The following GRID1 variants were observed in gnomAD, a reference collection of about 807,000 sequenced individuals.
GRID1 encodes glutamate ionotropic receptor delta type subunit 1, also known as glutamate receptor ionotropic, delta-1.
A neutral mutation model predicts 98.0 loss-of-function variants in GRID1; 28 were observed. The ratio of observed to expected loss-of-function variants is 0.29; its 90% CI spans 0.21 to 0.39. GRID1 has a LOEUF of 0.39. Among genes scored for constraint, GRID1 ranks in the 10% least tolerant of loss-of-function variants. The pLI is 1.00. For missense variants in GRID1, 1,111 were observed against 1,340.5 expected, an observed-to-expected ratio of 0.83 and a Z score of 2.67; for synonymous variants, 553 against 538.5, an observed-to-expected ratio of 1.03 and a Z score of -0.37.
At chr10:86,175,492 C>T (rs760675062) in intron 3 of GRID1, among the ~76,000 whole-genome samples, 18 of 152,084 alleles carry the variant, frequency 1.2e-4, no homozygotes, top group Non-Finnish European at 2.4e-4. Context: ...ACCTAGCCAG[C>T]TGGCTCCACT....
rs145315312 is a variant in GRID1 at position 85,769,362 on chromosome 10, G to A, written c.1234-39748C>T. On this transcript the variant is annotated intron_variant, in intron 8 of 15. Transcript: ENST00000327946. ...AGCTGGAGCCAAGATGGCTGAATAG[G>A]AACAGCTCCGGTCTACAGCTCCCAG... Among the ~76,000 whole-genome samples the A allele has an allele frequency of 3.1e-3, 476 of 152,300 alleles. 1 individual carries two copies. Among genetic ancestry groups the A allele is most frequent in the Middle Eastern group, 6.8e-3 (2 of 294 alleles).
chr10:86,351,468 C>T (rs1424863324), intron 2 of GRID1, among the ~76,000 whole-genome samples: 1 of 152,198 alleles, frequency 6.6e-6, no homozygotes, highest in African/African-American at 2.4e-5. Flanking sequence ...CACAGGCCCC[C>T]CTACAAGGTG....
chr10:86,225,870 T>C (rs1167220511), intron 2 of GRID1, among the ~76,000 whole-genome samples: 1 of 152,174 alleles, frequency 6.6e-6, no homozygotes, highest in African/African-American at 2.4e-5. Context: ...TGCATGTTAT[T>C]ACAGCAACCA....
At chr10:86,029,820 G>T (rs1425742977) in intron 4 of GRID1, among the ~76,000 whole-genome samples, 1 of 152,080 alleles carries the variant, frequency 6.6e-6, no homozygotes. Flanking sequence ...AGTGAGTAGG[G>T]TGTCCATAAC....
intron 3 of GRID1, among the ~76,000 whole-genome samples, chr10:86,161,746 T>C (rs1294846491): frequency 6.6e-6 from 1 of 152,170 alleles, no homozygotes; most frequent in Non-Finnish European, 1.5e-5. Context: ...CTGGCTGACT[T>C]GCCTGAGCCA....
At position 85,883,492 on chromosome 10, in the gene GRID1, G is replaced by GTC. The variant is rs1208463812; in HGVS notation, c.781-14314_781-14313dup. Among the ~76,000 whole-genome samples, 211 of 133,388 alleles carry GTC rather than the reference G, an allele frequency of 1.6e-3. 1 individual carries two copies. In the East Asian group the frequency reaches 0.031, roughly 20 times the overall value. 87.5% of individuals were successfully genotyped at this position (133,388 alleles called of 152,430 possible). ...CGTTTTCCTTTGTCCTTCTCTCTCT[G>GTC]TCTCTCTCTCTCTCTCTGTCTCTCT... On this transcript the variant is annotated intron_variant, in intron 5 of 15. Transcript: ENST00000327946.
intron 8 of GRID1, among the ~76,000 whole-genome samples, chr10:85,794,901 C>G (rs1461218524): frequency 6.6e-6 from 1 of 152,186 alleles, no homozygotes; most frequent in South Asian, 2.1e-4. Context: ...ACAGCAAATT[C>G]AAGGTGGATT....
chr10:86,311,733 C>T lies in GRID1; in HGVS notation c.235+52208G>A, dbSNP rs912841831. ...CTGGCAGTTTAGGCATGGTGGCTCACGCCTGTAATTCCAGCACTTTGGGAG... is the reference window on the plus strand; with the variant it reads ...CTGGCAGTTTAGGCATGGTGGCTCATGCCTGTAATTCCAGCACTTTGGGAG... On this transcript the variant is annotated intron_variant, in intron 2 of 15. Transcript: ENST00000327946. Among the ~76,000 whole-genome samples, 7 of 152,214 alleles carry T rather than the reference C, an allele frequency of 4.6e-5. No individual in the cohort carries two copies. In the East Asian group the frequency reaches 5.8e-4, roughly 13 times the overall value.
At chr10:86,228,499 A>T (rs1846394050) in intron 2 of GRID1, among the ~76,000 whole-genome samples, 1 of 152,102 alleles carries the variant, frequency 6.6e-6, no homozygotes, top group Admixed American at 6.5e-5. Context: ...CCTTCCAGCA[A>T]TCAGCCTCAA....
chr10:86,134,258 C>A (rs567587931), intron 4 of GRID1, among the ~76,000 whole-genome samples: 1 of 152,324 alleles, frequency 6.6e-6, no homozygotes, highest in South Asian at 2.1e-4. Context: ...AATTCCATGC[C>A]CCTCAGCATT....
intron 12 of GRID1, among the ~76,000 whole-genome samples, chr10:85,664,689 G>A (rs749049308): frequency 1.3e-5 from 2 of 152,136 alleles, no homozygotes; most frequent in African/African-American, 2.4e-5. Flanking sequence ...GTTTCATTTC[G>A]CACAAAGGAA....
intron 2 of GRID1, among the ~76,000 whole-genome samples, chr10:86,209,073 C>T (rs1256708820): frequency 6.6e-6 from 1 of 152,026 alleles, no homozygotes; most frequent in Non-Finnish European, 1.5e-5. Flanking sequence ...GAAAGTGATA[C>T]AAAATTGTAT....
intron 2 of GRID1, among the ~76,000 whole-genome samples, chr10:86,225,134 G>A (rs913468062): frequency 2.6e-5 from 4 of 152,236 alleles, no homozygotes; most frequent in Non-Finnish European, 5.9e-5. Context: ...CAACCCTGGT[G>A]TGAAGACAGA....
At chr10:86,129,528 G>A (rs1025812102) in intron 4 of GRID1, among the ~76,000 whole-genome samples, 5 of 152,102 alleles carry the variant, frequency 3.3e-5, no homozygotes, top group Admixed American at 1.3e-4. Flanking sequence ...GAGAAGATTC[G>A]GTGAGTTTCA....
intron 8 of GRID1, among the ~76,000 whole-genome samples, chr10:85,776,864 C>T (rs1276443563): frequency 6.6e-6 from 1 of 152,204 alleles, no homozygotes; most frequent in Non-Finnish European, 1.5e-5. Context: ...TCTGCTAGTC[C>T]TTGTGTGGCT....
rs138915819 is a variant in GRID1, at chr10:85,998,699, C to G, written c.727-82460G>C. ...AAACAACAGATAAAATCAACAGAACCAAAACTGATTCTTTGAAAACATCAG... is the reference window on the plus strand; with the variant it reads ...AAACAACAGATAAAATCAACAGAACGAAAACTGATTCTTTGAAAACATCAG... On this transcript the variant is annotated intron_variant, in intron 4 of 15. Coordinates refer to ENST00000327946, the MANE Select transcript of GRID1 (RefSeq NM_017551.3). Among the ~76,000 whole-genome samples the G allele has an allele frequency of 2.0e-5, 3 of 152,014 alleles. No individual in the cohort carries two copies. The East Asian group carries it at 5.8e-4, about 29-fold the overall frequency.
chr10:86,237,749 C>T (rs1233768415), intron 2 of GRID1, among the ~76,000 whole-genome samples: 1 of 150,428 alleles, frequency 6.6e-6, no homozygotes, highest in East Asian at 1.9e-4. Flanking sequence ...CTCCTTCTCC[C>T]TCTCCTGCCA....
intron 8 of GRID1, among the ~76,000 whole-genome samples, chr10:85,764,632 T>G (rs899327900): frequency 6.6e-6 from 1 of 152,282 alleles, no homozygotes; most frequent in Non-Finnish European, 1.5e-5. Context: ...CACAAACACA[T>G]GTGGGCTTTA....
Position 86,331,801 on chromosome 10 carries a change from G to T in GRID1, c.235+32140C>A, listed in dbSNP as rs114529681. On this transcript the variant is annotated intron_variant, in intron 2 of 15. Coordinates refer to ENST00000327946, the MANE Select transcript of GRID1 (RefSeq NM_017551.3). ...AAACATACACCTACTGCTAGTAACT[G>T]GTCTGGCACAGAACAAGCGCTCAGT... Among the ~76,000 whole-genome samples, 346 of 152,296 alleles carry T rather than the reference G, an allele frequency of 2.3e-3. 2 individuals are homozygous for T. Among genetic ancestry groups the T allele is most frequent in the African/African-American group, 8.0e-3 (331 of 41,568 alleles).
Sources: gnomAD v4.1 joint callset for allele counts (sites outside exome capture counted in the v4.1 genomes callset) on GRCh38, gnomAD v4.1.1 for gene constraint, MANE v1.5 for transcripts, NCBI Gene and HGNC (gene_info 2026-07-23, HGNC 2026-07-21) for gene names.